The following TMEM181 variants were observed in gnomAD, a reference collection of about 807,000 sequenced individuals.
The protein encoded by TMEM181 is G protein-coupled receptor 178.
Under a neutral mutation model 71.9 loss-of-function variants are expected in TMEM181, and 39 were observed. That is an observed-to-expected ratio of 0.54 (90% CI 0.42 to 0.71). The LOEUF is 0.71. TMEM181 is among the 30% of genes least tolerant of loss of function. TMEM181 has a pLI of 0.00. For synonymous variants in TMEM181, 245 were observed against 228.8 expected (o/e 1.07, Z -0.64); for missense variants, 595 against 583.0 (o/e 1.02, Z -0.21).
intron 11 of TMEM181, among the ~76,000 whole-genome samples, chr6:158,624,901 G>A (rs1190935254): frequency 6.6e-6 from 1 of 152,204 alleles, no homozygotes; most frequent in East Asian, 1.9e-4. Flanking sequence ...CTGGGGTGTC[G>A]TCCACCTCAG....
At position 158,620,759 on chromosome 6, in the gene TMEM181, C is replaced by T. The variant is rs1183762590; in HGVS notation, c.897-2791C>T. Among the ~76,000 whole-genome samples, 11 of 151,920 alleles carry T rather than the reference C, an allele frequency of 7.2e-5. No homozygotes were observed. The highest frequency in any genetic ancestry group is 4.2e-4 in the South Asian group (2 of 4,802). ...CAGGAGTTAACTCAGGACAAGCTGC[C>T]GCTGCCCACTGCTTCCTGGGTTGCA... On this transcript the variant is annotated intron_variant, in intron 10 of 16. Transcript: ENST00000684151. This position sits in a 1 kb window ranked among gnomAD's most constrained non-coding sequence, Gnocchi z 4.5.
intron 1 of TMEM181, among the ~76,000 whole-genome samples, chr6:158,546,732 G>A: frequency 6.6e-6 from 1 of 152,220 alleles, no homozygotes; most frequent in East Asian, 1.9e-4. Context: ...GCCCAGGTGG[G>A]CGGATCACAA....
chr6:158,545,411 G>A (rs766676108), intron 1 of TMEM181, among the ~76,000 whole-genome samples: 2 of 152,252 alleles, frequency 1.3e-5, no homozygotes, highest in African/African-American at 2.4e-5. Flanking sequence ...CTGGAGCAGC[G>A]CTTGTTTTGC....
At chr6:158,550,281 G>T (rs1014840016) in intron 1 of TMEM181, among the ~76,000 whole-genome samples, 3 of 151,706 alleles carry the variant, frequency 2.0e-5, no homozygotes, top group African/African-American at 7.3e-5. Context: ...CTGACCTCAG[G>T]TGATCTGCCC....
intron 1 of TMEM181, chr6:158,536,908 G>A (rs767864049): frequency 3.9e-6 from 5 of 1,287,070 alleles, no homozygotes; most frequent in East Asian, 2.9e-5. Context: ...GGAGGCTTCC[G>A]GGCCGCAGTC....
chr6:158,623,404 A>T (rs1308605624), intron 10 of TMEM181, 146 bp from the exon 11 acceptor site: 6 of 509,646 alleles, frequency 1.2e-5, no homozygotes, highest in African/African-American at 2.0e-5. Flanking sequence ...TCATAAATTT[A>T]GGATTGCTTT....
At chr6:158,595,314 C>A (rs1036742) in intron 6 of TMEM181, among the ~76,000 whole-genome samples, 53,402 of 151,798 alleles carry the variant, frequency 0.35, 10,302 homozygotes, top group East Asian at 0.75. Flanking sequence ...AATAGATAGA[C>A]GCTAATGGTA....
intron 1 of TMEM181, among the ~76,000 whole-genome samples, chr6:158,564,036 C>T (rs777425814): frequency 4.6e-5 from 7 of 152,184 alleles, no homozygotes; most frequent in Non-Finnish European, 8.8e-5. Context: ...CCTCGGCTTC[C>T]GAAAGTGCTG....
chr6:158,598,232 T>G (rs1034764973), intron 6 of TMEM181, among the ~76,000 whole-genome samples: 7 of 152,270 alleles, frequency 4.6e-5, no homozygotes, highest in African/African-American at 1.7e-4. Context: ...GCACGTCACA[T>G]GCGTCATCCT....
intron 1 of TMEM181, among the ~76,000 whole-genome samples, chr6:158,552,808 A>G (rs1386918122): frequency 1.4e-5 from 2 of 147,080 alleles, no homozygotes; most frequent in African/African-American, 2.6e-5. Flanking sequence ...CTCTACCTCA[A>G]GAAGTGAAAT....
chr6:158,536,894 G>T, intron 1 of TMEM181: 2 of 1,321,588 alleles, frequency 1.5e-6, no homozygotes, highest in Non-Finnish European at 1.9e-6. Context: ...GCGGCGGGGC[G>T]GCCGGAGGCT....
rs150030915 is a variant in TMEM181 at position 158,544,611 on chromosome 6, C to T, written c.131+7746C>T. ...CAGTGGCATTCCCTTCCATGAGCCT[C>T]GGGGCAAACCCCTGAGCTCTTGCGC... On this transcript the variant is annotated intron_variant, in intron 1 of 16. Transcript: ENST00000367090. 5.7e-3 allele frequency among the ~76,000 whole-genome samples: 866 copies of T among 152,290 alleles called. 6 individuals are homozygous for T. The highest frequency in any genetic ancestry group is 7.1e-3 in the Non-Finnish European group (484 of 68,008).
chr6:158,574,994 G>A (rs1485223614), intron 2 of TMEM181, among the ~76,000 whole-genome samples: 3 of 152,192 alleles, frequency 2.0e-5, no homozygotes, highest in African/African-American at 7.2e-5. Context: ...GCTGGACACA[G>A]AGCAAATTCC....
intron 1 of TMEM181, among the ~76,000 whole-genome samples, chr6:158,546,884 C>T (rs542158268): frequency 7.2e-5 from 11 of 152,240 alleles, no homozygotes; most frequent in African/African-American, 1.7e-4. Flanking sequence ...CATTTGAACC[C>T]GGGAGGTGGA....
intron 5 of TMEM181, 76 bp from the exon 6 acceptor site, chr6:158,589,596 G>T: frequency 8.9e-7 from 1 of 1,123,986 alleles, no homozygotes. Context: ...CTGTTGAAAC[G>T]TGTTACTTCA....
intron 15 of TMEM181, among the ~76,000 whole-genome samples, chr6:158,630,846 T>C (rs906203018): frequency 3.3e-5 from 5 of 151,488 alleles, no homozygotes; most frequent in Middle Eastern, 3.4e-3. Flanking sequence ...CGACATCTTA[T>C]AGTGGGCTAG....
chr6:158,576,953 T>G (rs1582972225), intron 2 of TMEM181, among the ~76,000 whole-genome samples: 1 of 151,510 alleles, frequency 6.6e-6, no homozygotes, highest in Non-Finnish European at 1.5e-5. Flanking sequence ...CCCCAGCTAC[T>G]TGGGAGGCTG....
intron 1 of TMEM181, among the ~76,000 whole-genome samples, chr6:158,545,813 C>T (rs189070102): frequency 6.6e-6 from 1 of 152,130 alleles, no homozygotes; most frequent in Admixed American, 6.6e-5. Context: ...TCTCCCACCT[C>T]AGCCTCCTGA....
rs772874983 is a variant in TMEM181, at chr6:158,611,708, G to A, written c.896+2958G>A. 17 of 239,988 alleles carry A rather than the reference G, an allele frequency of 7.1e-5. No homozygotes were observed. In the Admixed American group the frequency reaches 8.6e-4, roughly 12 times the overall value. The allele number at this position is 239,988 out of a possible 1,614,324, so 14.9% of individuals were successfully genotyped here. On this transcript the variant is annotated intron_variant, in intron 10 of 16. Coordinates refer to ENST00000684151, the MANE Select transcript of TMEM181 (RefSeq NM_001376852.1). ...CCACACCTGTGCCCGAGGAATGCCG[G>A]GGAGGAATGTAAGAGTTAAAGAAAG...
Sources: gnomAD v4.1 joint callset for allele counts (sites outside exome capture counted in the v4.1 genomes callset) on GRCh38, gnomAD v4.1.1 for gene constraint, Gnocchi (gnomAD v3.1) non-coding constraint, MANE v1.5 for transcripts, NCBI Gene and HGNC (gene_info 2026-07-23, HGNC 2026-07-21) for gene names.